Variants in ACP7 observed in about 807,000 individuals in gnomAD.
ACP7 encodes acid phosphatase type 7.
Under a neutral mutation model 60.6 loss-of-function variants are expected in ACP7, and 58 were observed. The observed-to-expected ratio is 0.96, with a 90% CI of 0.77 to 1.19. The LOEUF (loss-of-function observed/expected upper bound fraction) is 1.19. Among genes scored for constraint, ACP7 ranks in the 50% most tolerant of loss-of-function variants. The pLI is 0.00. For missense variants in ACP7, 574 were observed against 596.2 expected, an observed-to-expected ratio of 0.96 and a Z score of 0.39; for synonymous variants, 237 against 232.6, an observed-to-expected ratio of 1.02 and a Z score of -0.17.
At chr19:39,092,754 T>A (rs1278239675) in intron 2 of ACP7, among the ~76,000 whole-genome samples, 2 of 150,318 alleles carry the variant, frequency 1.3e-5, no homozygotes, top group Non-Finnish European at 3.0e-5. Context: ...TCATCCCTAC[T>A]ACTCTTTCCC....
intron 2 of ACP7, among the ~76,000 whole-genome samples, chr19:39,093,400 C>T (rs184237812): frequency 1.3e-5 from 2 of 151,850 alleles, no homozygotes; most frequent in South Asian, 2.1e-4. Context: ...ATTACAGGCA[C>T]GCGCCACCCT....
Position 39,098,947 on chromosome 19 carries a change from C to T in ACP7, c.323-13C>T, listed in dbSNP as rs199960072. 58 of 1,610,656 alleles carry T rather than the reference C, an allele frequency of 3.6e-5. No homozygotes were observed. In the African/African-American group the frequency reaches 6.4e-4, roughly 18 times the overall value. ...CGCCCCAGCTGACTGCGACCTTTTC[C>T]TCTCCCATTCAGTTTATCGCTGTGG... On this transcript the variant is annotated splice_polypyrimidine_tract_variant and intron_variant, in intron 3 of 12. Coordinates refer to ENST00000331256, the MANE Select transcript of ACP7 (RefSeq NM_001004318.3).
intron 2 of ACP7, among the ~76,000 whole-genome samples, chr19:39,091,623 G>A (rs1435919411): frequency 2.0e-5 from 3 of 152,094 alleles, no homozygotes; most frequent in Non-Finnish European, 2.9e-5. Context: ...GTTTGAATCT[G>A]TATAAAAATT....
At position 39,101,375 on chromosome 19, in the gene ACP7, G is replaced by C. The variant is rs367684699; in HGVS notation, c.1041+20G>C. ...TACCAGGTGAGGCACGTGAAGGGCT[G>C]AGCGCCCACACAGCTGGGGTCAGGG... On this transcript the variant is annotated intron_variant, in intron 10 of 12. Coordinates refer to ENST00000331256, the MANE Select transcript of ACP7 (RefSeq NM_001004318.3). The C allele has an allele frequency of 6.2e-7, 1 of 1,614,146 alleles. No homozygotes were observed. The highest frequency in any genetic ancestry group is 1.1e-5 in the South Asian group (1 of 91,078).
chr19:39,085,880 C>T (rs1299412106), intron 2 of ACP7, among the ~76,000 whole-genome samples: 6 of 152,198 alleles, frequency 3.9e-5, no homozygotes, highest in African/African-American at 7.2e-5. Flanking sequence ...ACCCAGACCA[C>T]GTGGGTTAGA....
intron 2 of ACP7, among the ~76,000 whole-genome samples, chr19:39,097,735 G>A (rs1473361977): frequency 1.3e-5 from 2 of 151,892 alleles, no homozygotes; most frequent in Admixed American, 1.3e-4. Context: ...TATCATGTGT[G>A]TACAATAGTT....
rs1302738543 is a variant in ACP7, at chr19:39,099,056, G to C, written c.419G>C (p.Gly140Ala). The change falls in exon 4 of 13, where the codon GGA (glycine) becomes GCA (alanine). Residue 140 changes from glycine (G) to alanine (A), a missense_variant. Gly to Ala is a moderately conservative substitution (Grantham distance 60, BLOSUM62 0). Transcript: ENST00000331256. The part of the protein sequence containing the change: ...AHWSPRLAVF[G>A]DLGADNPKAV... ...TGGAGTCCCCGTCTGGCTGTGTTTG[G>C]AGACCTGGGGGCTGACAACCCGAAG... The C allele has an allele frequency of 6.2e-7, 1 of 1,612,052 alleles. No individual in the cohort carries two copies. The highest frequency in any genetic ancestry group is 8.5e-7 in the Non-Finnish European group (1 of 1,179,402).
At chr19:39,091,060 C>G (rs1335557518) in intron 2 of ACP7, among the ~76,000 whole-genome samples, 1 of 152,048 alleles carries the variant, frequency 6.6e-6, no homozygotes, top group African/African-American at 2.4e-5. Context: ...TGAGCACTTC[C>G]TCACTTGATG....
intron 2 of ACP7, among the ~76,000 whole-genome samples, chr19:39,094,186 G>C (rs2073240554): frequency 6.6e-6 from 1 of 151,860 alleles, no homozygotes. Context: ...ATGCTCCTGG[G>C]ATATAAAAAC....
chr19:39,096,839 G>C (rs2073271223), intron 2 of ACP7, among the ~76,000 whole-genome samples: 1 of 152,032 alleles, frequency 6.6e-6, no homozygotes, highest in South Asian at 2.1e-4. Flanking sequence ...GTCTTGCTCT[G>C]TTGCCAGGCT....
At position 39,097,399 on chromosome 19, in the gene ACP7, C is replaced by CA. The variant is rs527462300; in HGVS notation, c.122-1044dup. Among the ~76,000 whole-genome samples, 908 of 125,510 alleles carry CA rather than the reference C, an allele frequency of 7.2e-3. 4 individuals carry two copies. Among genetic ancestry groups the CA allele is most frequent in the Non-Finnish European group, 0.011 (644 of 59,962 alleles). 82.3% of individuals were successfully genotyped at this position (125,510 alleles called of 152,430 possible). On this transcript the variant is annotated intron_variant, in intron 2 of 12. Coordinates refer to ENST00000331256, the MANE Select transcript of ACP7 (RefSeq NM_001004318.3). ...GCCTAGGCAACAGGGCAAGACTCCT[C>CA]AAAAAAAAAAAAAAATTAGCTGGGC...
chr19:39,103,401 T>A (rs1351567480), intron 11 of ACP7, among the ~76,000 whole-genome samples: 1 of 150,586 alleles, frequency 6.6e-6, no homozygotes, highest in Admixed American at 6.6e-5. Context: ...CATCCCCTCC[T>A]TATTCTCTGG....
intron 11 of ACP7, among the ~76,000 whole-genome samples, chr19:39,105,791 C>T (rs1226509665): frequency 2.0e-5 from 3 of 152,164 alleles, no homozygotes; most frequent in African/African-American, 4.8e-5. Context: ...GAATTACAGG[C>T]GTGAGCCACT....
intron 2 of ACP7, among the ~76,000 whole-genome samples, chr19:39,087,864 C>A (rs2073162682): frequency 1.3e-5 from 2 of 151,702 alleles, no homozygotes; most frequent in Admixed American, 6.6e-5. Context: ...GAACTCCTGA[C>A]CTCAAGTGAT....
In ACP7 at chr19:39,089,357, C is replaced by T. The variant is rs1342126823; in HGVS notation, c.121+3967C>T. 3.9e-5 allele frequency among the ~76,000 whole-genome samples: 6 copies of T among 152,150 alleles called. No homozygotes were observed. In the South Asian group the frequency reaches 1.0e-3, roughly 26 times the overall value. ...TGCTGGGATTACAGGTGTGAGCCAC[C>T]ATGCCCGGCCTATTTTAAAACTTTT... On this transcript the variant is annotated intron_variant, in intron 2 of 12. Transcript: ENST00000331256.
At chr19:39,100,190 G>A (rs1293797781) in intron 4 of ACP7, 37 bp from the exon 5 acceptor site, 2 of 1,608,410 alleles carry the variant, frequency 1.2e-6, no homozygotes, top group Admixed American at 1.7e-5. Context: ...GCAGAGCTGG[G>A]CCTGGGTCCT....
At chr19:39,101,089 T>C (rs762213224) in intron 8 of ACP7, 33 bp downstream of exon 8, 1 of 1,613,914 alleles carries the variant, frequency 6.2e-7, no homozygotes, top group Non-Finnish European at 8.5e-7. Flanking sequence ...AGTGGGGACA[T>C]GCTGAAAGCC....
At chr19:39,106,169 C>T (rs538306426) in intron 11 of ACP7, among the ~76,000 whole-genome samples, 2 of 152,312 alleles carry the variant, frequency 1.3e-5, no homozygotes, top group African/African-American at 4.8e-5. Context: ...CAAGCACGAG[C>T]ATTCTGTTTC....
chr19:39,099,257 A>T, intron 4 of ACP7, 115 bp downstream of exon 4: 3 of 1,203,870 alleles, frequency 2.5e-6, no homozygotes, highest in Non-Finnish European at 3.3e-6. Flanking sequence ...CGTGGAGGGG[A>T]CAGGGCTGGG....
Sources: allele counts gnomAD v4.1 joint callset (sites outside exome capture counted in the v4.1 genomes callset), GRCh38; gene constraint gnomAD v4.1.1; transcripts MANE v1.5; gene names NCBI Gene and HGNC (gene_info 2026-07-23, HGNC 2026-07-21).